EYS: variants seen among roughly 807,000 people sequenced by gnomAD.
The protein encoded by EYS is protein eyes shut homolog.
A neutral mutation model predicts 282.1 loss-of-function variants in EYS; 250 were observed. That is an observed-to-expected ratio of 0.89 (90% CI 0.80 to 0.98). The LOEUF (loss-of-function observed/expected upper bound fraction) is 0.98. EYS is among the 50% of genes least tolerant of loss of function. The pLI is 0.00. For missense variants in EYS, 4,016 were observed against 3,709.0 expected, an observed-to-expected ratio of 1.08 and a Z score of -2.15; for synonymous variants, 1,355 against 1,282.9, an observed-to-expected ratio of 1.06 and a Z score of -1.20.
At chr6:64,707,830 T>A (rs1240429399) in intron 22 of EYS, among the ~76,000 whole-genome samples, 3 of 151,866 alleles carry the variant, frequency 2.0e-5, no homozygotes. Flanking sequence ...ATTATGTAGG[T>A]CAAATAATTA....
intron 1 of EYS, among the ~76,000 whole-genome samples, chr6:65,693,404 C>CTTTT (rs66464915): frequency 8.0e-6 from 1 of 125,280 alleles, no homozygotes; most frequent in Non-Finnish European, 1.7e-5. Context: ...TTTTTCCTTT[C>CTTTT]TTTTTTTTTT....
intron 30 of EYS, among the ~76,000 whole-genome samples, chr6:64,289,722 T>A (rs1053721680): frequency 9.9e-5 from 15 of 151,956 alleles, no homozygotes; most frequent in African/African-American, 3.6e-4. Flanking sequence ...TCAGTAGTAG[T>A]AAAAGGTCAA....
intron 15 of EYS, among the ~76,000 whole-genome samples, chr6:64,936,959 AATAAAG>A (rs1768927232): frequency 6.6e-6 from 1 of 151,514 alleles, no homozygotes; most frequent in Non-Finnish European, 1.5e-5. Context: ...GTGGTATTAG[AATAAAG>A]ATAAATAGAA....
intron 33 of EYS, among the ~76,000 whole-genome samples, chr6:64,003,742 ATGGGAGGAACC>A (rs1167717662): frequency 6.6e-6 from 1 of 152,190 alleles, no homozygotes; most frequent in Admixed American, 6.5e-5. Flanking sequence ...CCCACATGTC[ATGGGAGGAACC>A]CAGTAGGAGG....
At chr6:64,676,282 G>C (rs1459265222) in intron 22 of EYS, among the ~76,000 whole-genome samples, 3 of 144,838 alleles carry the variant, frequency 2.1e-5, no homozygotes, top group Non-Finnish European at 4.5e-5. Flanking sequence ...CCCTAGAAAA[G>C]TTTCCAATAT....
intron 32 of EYS, among the ~76,000 whole-genome samples, chr6:64,073,043 T>C (rs1771646444): frequency 6.6e-6 from 1 of 151,884 alleles, no homozygotes; most frequent in South Asian, 2.1e-4. Context: ...AGATGAATAG[T>C]CTTATTCAAG....
chr6:65,363,651 T>A (rs938505161), intron 8 of EYS, among the ~76,000 whole-genome samples: 1 of 151,942 alleles, frequency 6.6e-6, no homozygotes. Flanking sequence ...AAAACTTTGA[T>A]AATTGACGAT....
intron 14 of EYS, among the ~76,000 whole-genome samples, chr6:64,987,331 C>CA (rs1474981877): frequency 6.6e-6 from 1 of 151,422 alleles, no homozygotes; most frequent in Non-Finnish European, 1.5e-5. Context: ...ATGCACAGTC[C>CA]AATACTTATG....
At chr6:64,228,476 A>T (rs946313144) in intron 31 of EYS, among the ~76,000 whole-genome samples, 1 of 152,092 alleles carries the variant, frequency 6.6e-6, no homozygotes, top group Non-Finnish European at 1.5e-5. Flanking sequence ...TATTCTTCAA[A>T]TGCAATTTTG....
chr6:64,827,546 T>A (rs1221670146), intron 19 of EYS, among the ~76,000 whole-genome samples: 1 of 151,820 alleles, frequency 6.6e-6, no homozygotes, highest in East Asian at 1.9e-4. Context: ...ATTTTGAAAA[T>A]GACTAAAATT....
At chr6:65,402,352 C>T in intron 7 of EYS, 126 bp downstream of exon 7, 1 of 562,666 alleles carries the variant, frequency 1.8e-6, no homozygotes, top group South Asian at 3.1e-5. Context: ...ACTTTAACTT[C>T]AAATAGAATA....
intron 12 of EYS, among the ~76,000 whole-genome samples, chr6:65,261,805 C>G (rs1471881234): frequency 6.6e-6 from 1 of 151,880 alleles, no homozygotes; most frequent in Non-Finnish European, 1.5e-5. Context: ...ACTTTATTTG[C>G]TCATTAAATA....
intron 12 of EYS, among the ~76,000 whole-genome samples, chr6:65,191,869 C>T (rs1765649902): frequency 6.6e-6 from 1 of 151,750 alleles, no homozygotes; most frequent in Admixed American, 6.6e-5. Flanking sequence ...TGCCTTGTGC[C>T]ATTTACAACT....
At chr6:64,234,257 A>AT in intron 30 of EYS, among the ~76,000 whole-genome samples, 1 of 135,352 alleles carries the variant, frequency 7.4e-6, no homozygotes, top group South Asian at 2.4e-4. Flanking sequence ...AAGAAAACTC[A>AT]CTTTTTTTTT....
At chr6:65,558,076 C>G (rs1768889493) in intron 2 of EYS, among the ~76,000 whole-genome samples, 1 of 152,184 alleles carries the variant, frequency 6.6e-6, no homozygotes, top group South Asian at 2.1e-4. Flanking sequence ...AGGCTTCAGG[C>G]TGTCCATTGC....
chr6:64,361,813 CTTGA>C (rs1302084887), intron 29 of EYS, among the ~76,000 whole-genome samples: 4 of 151,668 alleles, frequency 2.6e-5, no homozygotes, highest in South Asian at 2.1e-4. Flanking sequence ...CCTCCACTCT[CTTGA>C]TTAAGGCAAT....
chr6:65,346,756 A>C (rs1770411496), intron 9 of EYS, among the ~76,000 whole-genome samples: 1 of 151,838 alleles, frequency 6.6e-6, no homozygotes, highest in Non-Finnish European at 1.5e-5. Context: ...GACAACAAGA[A>C]CATACTATGT....
chr6:64,335,802 G>C (rs1770828288), intron 29 of EYS, among the ~76,000 whole-genome samples: 1 of 152,076 alleles, frequency 6.6e-6, no homozygotes, highest in Non-Finnish European at 1.5e-5. Context: ...ACAACCTAGA[G>C]TAGATTGAGG....
At chr6:63,994,709 T>G (rs562827394) in intron 34 of EYS, among the ~76,000 whole-genome samples, 1 of 152,114 alleles carries the variant, frequency 6.6e-6, no homozygotes, top group South Asian at 2.1e-4. Flanking sequence ...TTCAGCTCTA[T>G]GATAATATTT....
Sources: allele counts gnomAD v4.1 joint callset (sites outside exome capture counted in the v4.1 genomes callset), GRCh38; gene constraint gnomAD v4.1.1; transcripts MANE v1.5; gene names NCBI Gene and HGNC (gene_info 2026-07-23, HGNC 2026-07-21).